The following LAMA1 variants were observed in gnomAD, a reference collection of about 807,000 sequenced individuals.
LAMA1 encodes laminin subunit alpha-1.
Under a neutral mutation model 348.7 loss-of-function variants are expected in LAMA1, and 219 were observed. That is an observed-to-expected ratio of 0.63 (90% confidence interval 0.56 to 0.70). The LOEUF (loss-of-function observed/expected upper bound fraction) is 0.70. LAMA1 is among the 30% of genes least tolerant of loss of function. The probability of loss-of-function intolerance (pLI) is 0.00; values close to 1 mark genes in which losing one functional copy is unlikely to be tolerated. For missense variants in LAMA1, 3,744 were observed against 3,888.0 expected (o/e 0.96, Z 0.99); for synonymous variants, 1,487 against 1,491.0 (o/e 1.00, Z 0.06).
chr18:6,961,529 A>G lies in LAMA1; in HGVS notation c.7626+57T>C, dbSNP rs369708449. 8 of 1,599,424 alleles carry G rather than the reference A, an allele frequency of 5.0e-6. No individual in the cohort carries two copies. The East Asian group carries it at 1.6e-4, about 32-fold the overall frequency. On this transcript the variant is annotated intron_variant, in intron 53 of 62. Coordinates refer to ENST00000389658, the MANE Select transcript of LAMA1 (RefSeq NM_005559.4). ...TTTATGAGTCAGTCATTTTCCACTC[A>G]TTGTTTCCCGAAGTAATTTCCTGAG...
chr18:7,033,102 A>G lies in LAMA1; in HGVS notation c.2052-7T>C. 1 of 1,581,680 alleles carries G rather than the reference A, an allele frequency of 6.3e-7. No homozygotes were observed. Among genetic ancestry groups the G allele is most frequent in the Middle Eastern group, 1.7e-4 (1 of 6,006 alleles). On this transcript the variant is annotated splice_region_variant and splice_polypyrimidine_tract_variant and intron_variant, in intron 14 of 62. Coordinates refer to ENST00000389658, the MANE Select transcript of LAMA1 (RefSeq NM_005559.4). ...CAGAGAGACGGACTCCAACCTACAA[A>G]TAGACAGATTGTTATGTGACTCACA...
chr18:7,007,470 CAA>C (rs201834015), intron 28 of LAMA1, among the ~76,000 whole-genome samples, 194 bp from the exon 29 acceptor site: 29 of 132,174 alleles, frequency 2.2e-4, no homozygotes, highest in African/African-American at 4.7e-4. Flanking sequence ...TATCAACTAT[CAA>C]AAAAAAAAAA....
chr18:7,012,651 G>A (rs1425639696), intron 23 of LAMA1, among the ~76,000 whole-genome samples: 4 of 150,362 alleles, frequency 2.7e-5, no homozygotes, highest in Non-Finnish European at 4.4e-5. Flanking sequence ...GACTACAGGC[G>A]CCTGCCACCA....
At chr18:6,986,423 A>T (rs1042944712) in intron 36 of LAMA1, 76 bp from the exon 37 acceptor site, 49 of 1,319,004 alleles carry the variant, frequency 3.7e-5, no homozygotes, top group Non-Finnish European at 4.3e-5. Flanking sequence ...AGTGGAAAAA[A>T]TTTTTACGTA....
At chr18:6,953,132 CA>C (rs1357149095) in intron 57 of LAMA1, among the ~76,000 whole-genome samples, 4 of 147,690 alleles carry the variant, frequency 2.7e-5, no homozygotes, top group Non-Finnish European at 5.9e-5. Flanking sequence ...TGCCTGTGTC[CA>C]GCGGATCCAC....
chr18:7,036,884 A>T (rs1354897960), intron 12 of LAMA1, among the ~76,000 whole-genome samples: 1 of 152,188 alleles, frequency 6.6e-6, no homozygotes, highest in Non-Finnish European at 1.5e-5. Context: ...CGGGAAGGTA[A>T]GCAGGGAGCT....
At chr18:7,000,654 G>A (rs973187040) in intron 30 of LAMA1, among the ~76,000 whole-genome samples, 1 of 152,094 alleles carries the variant, frequency 6.6e-6, no homozygotes, top group Non-Finnish European at 1.5e-5. Flanking sequence ...TCTACCCTCT[G>A]CCTTCACGTT....
chr18:7,021,249 C>G (rs1354324586), intron 19 of LAMA1, among the ~76,000 whole-genome samples: 1 of 152,134 alleles, frequency 6.6e-6, no homozygotes, highest in Middle Eastern at 3.2e-3. Context: ...CAAGTGCAAC[C>G]CCCGACAGTC....
At chr18:6,971,711 G>C in intron 48 of LAMA1, 146 bp downstream of exon 48, 1 of 1,087,378 alleles carries the variant, frequency 9.2e-7, no homozygotes. Context: ...GTATGAAAAA[G>C]CATGGCTTTG....
intron 17 of LAMA1, among the ~76,000 whole-genome samples, chr18:7,025,449 G>C (rs566168083): frequency 6.6e-6 from 1 of 152,162 alleles, no homozygotes; most frequent in Non-Finnish European, 1.5e-5. Flanking sequence ...CTACAGTCAC[G>C]ACCACACTGA....
At chr18:6,993,525 T>C in intron 35 of LAMA1, 116 bp downstream of exon 35, 1 of 822,962 alleles carries the variant, frequency 1.2e-6, no homozygotes, top group Non-Finnish European at 2.1e-6. Context: ...TTCCAGCCCC[T>C]CTGGTTCCGG....
intron 41 of LAMA1, 90 bp downstream of exon 41, chr18:6,982,407 G>C: frequency 9.8e-7 from 1 of 1,017,468 alleles, no homozygotes; most frequent in Non-Finnish European, 1.6e-6. Flanking sequence ...GCTTCAAGTT[G>C]CTGCATGCAA....
At chr18:7,022,457 G>A (rs924133861) in intron 19 of LAMA1, among the ~76,000 whole-genome samples, 3 of 152,220 alleles carry the variant, frequency 2.0e-5, no homozygotes, top group Non-Finnish European at 4.4e-5. Context: ...GCCTGGGAAA[G>A]TATGTTTTCT....
chr18:6,997,696 C>T (rs769840526), intron 33 of LAMA1, 46 bp downstream of exon 33: 1 of 1,592,546 alleles, frequency 6.3e-7, no homozygotes, highest in East Asian at 2.2e-5. Context: ...GACTATATCC[C>T]TTAATGATAC....
intron 56 of LAMA1, chr18:6,956,276 T>C (rs1193151938): frequency 8.8e-6 from 3 of 341,550 alleles, no homozygotes; most frequent in South Asian, 7.4e-5. Flanking sequence ...TTTTTTTTTT[T>C]AAAGCAACAA....
chr18:7,010,459 AC>A, intron 25 of LAMA1, 74 bp from the exon 26 acceptor site: 1 of 1,338,724 alleles, frequency 7.5e-7, no homozygotes. Flanking sequence ...CAAGACTGCC[AC>A]CATAAGAGAG....
chr18:7,113,517 G>GC, intron 1 of LAMA1, among the ~76,000 whole-genome samples: 1 of 152,316 alleles, frequency 6.6e-6, no homozygotes, highest in Non-Finnish European at 1.5e-5. Context: ...AAGACCACTT[G>GC]CTTAAACATG....
intron 1 of LAMA1, among the ~76,000 whole-genome samples, chr18:7,110,109 A>G (rs2058329831): frequency 6.6e-6 from 1 of 151,384 alleles, no homozygotes; most frequent in Admixed American, 6.6e-5. Context: ...TGAACCCAGG[A>G]GGCAGAGGTT....
intron 29 of LAMA1, among the ~76,000 whole-genome samples, chr18:7,003,132 C>T (rs770449358): frequency 2.0e-5 from 3 of 152,152 alleles, no homozygotes; most frequent in Admixed American, 6.5e-5. Context: ...ATCCTCCTGC[C>T]TTGGCCTCCT....
Sources: allele counts gnomAD v4.1 joint callset (sites outside exome capture counted in the v4.1 genomes callset), GRCh38; gene constraint gnomAD v4.1.1; transcripts MANE v1.5; gene names NCBI Gene and HGNC (gene_info 2026-07-23, HGNC 2026-07-21).